PIK3AP1: variants seen among roughly 807,000 people sequenced by gnomAD.
PIK3AP1 encodes the protein phosphoinositide-3-kinase adaptor protein 1.
In PIK3AP1, 21 loss-of-function variants were observed where a neutral mutation model predicts 88.1. The ratio of observed to expected loss-of-function variants is 0.24; its 90% CI spans 0.17 to 0.34. The LOEUF (loss-of-function observed/expected upper bound fraction) is 0.34, where lower values mean the gene tolerates loss of function less well. PIK3AP1 is among the 10% of genes least tolerant of loss of function. The pLI, the probability that PIK3AP1 is intolerant of heterozygous loss-of-function variation, is 1.00. For missense variants in PIK3AP1, 828 were observed against 1,035.7 expected (o/e 0.80, Z 2.75); for synonymous variants, 398 against 400.0 (o/e 1.00, Z 0.06).
Position 96,709,893 on chromosome 10 carries a change from C to G in PIK3AP1, c.104G>C (p.Arg35Pro). Reference sequence around the variant, plus strand: ...CAGTATCTTCTGGCTGCGGACCTGCCGACTGGACAGGAACAGGGTCTGCAG... The same window carrying G: ...CAGTATCTTCTGGCTGCGGACCTGCGGACTGGACAGGAACAGGGTCTGCAG... ...QYLQTLFLSS[R>P]QVRSQKILTH... Residue 35 changes from arginine (R) to proline (P), a missense_variant, in exon 2 of 17, where the codon CGG (arginine) becomes CCG (proline). Arg to Pro is a moderately radical substitution (Grantham distance 103, BLOSUM62 -2). Coordinates refer to ENST00000339364, the MANE Select transcript of PIK3AP1 (RefSeq NM_152309.3). The G allele has an allele frequency of 1.9e-6, 3 of 1,613,612 alleles. No homozygotes were observed. Among genetic ancestry groups the G allele is most frequent in the Admixed American group, 1.7e-5 (1 of 60,030 alleles).
At chr10:96,633,867 A>C (rs1378374213) in intron 8 of PIK3AP1, among the ~76,000 whole-genome samples, 1 of 152,226 alleles carries the variant, frequency 6.6e-6, no homozygotes, top group East Asian at 1.9e-4. Context: ...ACAAACATCA[A>C]TTCTTTACAA....
chr10:96,638,418 G>C (rs909350733), intron 8 of PIK3AP1, among the ~76,000 whole-genome samples: 2 of 151,768 alleles, frequency 1.3e-5, no homozygotes, highest in Non-Finnish European at 2.9e-5. Flanking sequence ...ATGGTGTTCT[G>C]TTATGGCAAC....
At position 96,616,076 on chromosome 10, in the gene PIK3AP1, A is replaced by G. The variant is rs539566243; in HGVS notation, c.2014+563T>C. 2.0e-5 allele frequency among the ~76,000 whole-genome samples: 3 copies of G among 152,314 alleles called. No homozygotes were observed. In the East Asian group the frequency reaches 5.8e-4, roughly 29 times the overall value. On this transcript the variant is annotated intron_variant, in intron 13 of 16. Coordinates refer to ENST00000339364, the MANE Select transcript of PIK3AP1 (RefSeq NM_152309.3). ...GCCAACTTCTTGCTCAAGGGTGGTG[A>G]TGCCACATGGCTGGCACAGGGGTAG...
chr10:96,706,055 G>T (rs866411385), intron 2 of PIK3AP1, among the ~76,000 whole-genome samples: 1 of 151,452 alleles, frequency 6.6e-6, no homozygotes, highest in Non-Finnish European at 1.5e-5. Context: ...CACCTCGCCC[G>T]ACTAATTTTT....
intron 2 of PIK3AP1, among the ~76,000 whole-genome samples, chr10:96,691,208 A>G (rs1267641763): frequency 6.6e-6 from 1 of 152,154 alleles, no homozygotes; most frequent in African/African-American, 2.4e-5. Flanking sequence ...TACCTCCCCG[A>G]AACCCTCAAA....
chr10:96,716,283 T>TTAAATAAATAAA (rs556728068), intron 1 of PIK3AP1, among the ~76,000 whole-genome samples: 21 of 151,838 alleles, frequency 1.4e-4, no homozygotes, highest in African/African-American at 5.1e-4. Flanking sequence ...CCCTGTCTCA[T>TTAAATAAATAAA]TAAATAAATA....
At chr10:96,693,661 A>T (rs938007833) in intron 2 of PIK3AP1, among the ~76,000 whole-genome samples, 2 of 152,196 alleles carry the variant, frequency 1.3e-5, no homozygotes, top group Non-Finnish European at 2.9e-5. Flanking sequence ...AAGCCACCAG[A>T]TCTTACATAT....
intron 2 of PIK3AP1, among the ~76,000 whole-genome samples, chr10:96,704,186 T>G (rs1844333908): frequency 6.6e-6 from 1 of 152,162 alleles, no homozygotes; most frequent in Non-Finnish European, 1.5e-5. Context: ...TACCCTGAAG[T>G]CTGATGGCCT....
chr10:96,648,558 G>T, intron 7 of PIK3AP1, 101 bp downstream of exon 7: 2 of 1,256,298 alleles, frequency 1.6e-6, no homozygotes, highest in Non-Finnish European at 2.2e-6. Flanking sequence ...GGTACATGAG[G>T]ACATGCTAGA....
At chr10:96,718,116 G>T (rs1190154723) in intron 1 of PIK3AP1, among the ~76,000 whole-genome samples, 4 of 152,130 alleles carry the variant, frequency 2.6e-5, no homozygotes, top group Admixed American at 2.6e-4. Context: ...AATCTATAGA[G>T]GCAAAGTAGA....
chr10:96,641,361 T>G (rs1843387231), intron 8 of PIK3AP1, among the ~76,000 whole-genome samples: 1 of 152,098 alleles, frequency 6.6e-6, no homozygotes, highest in African/African-American at 2.4e-5. Flanking sequence ...CAACAACAGT[T>G]AGGTGATCTC....
chr10:96,632,884 TCA>T, intron 8 of PIK3AP1: 1 of 1,611,664 alleles, frequency 6.2e-7, no homozygotes, highest in East Asian at 2.2e-5. Flanking sequence ...ACATTCAGAC[TCA>T]CAAGATGACC....
At chr10:96,629,909 C>CAAAAAAAAAAAAAAA (rs66669261) in intron 8 of PIK3AP1, among the ~76,000 whole-genome samples, 2 of 5,414 alleles carry the variant, frequency 3.7e-4, no homozygotes, top group African/African-American at 5.0e-4. Flanking sequence ...CAACAACAAC[C>CAAAAAAAAAAAAAAA]AAAAAAAAAA....
At chr10:96,710,976 A>G (rs1312756809) in intron 1 of PIK3AP1, among the ~76,000 whole-genome samples, 1 of 152,220 alleles carries the variant, frequency 6.6e-6, no homozygotes, top group Non-Finnish European at 1.5e-5. Context: ...GGTAGTTGTG[A>G]ATTAATGCTG....
At chr10:96,656,662 CAAAA>C (rs1209645348) in intron 3 of PIK3AP1, 132 bp downstream of exon 3, 37 of 1,307,898 alleles carry the variant, frequency 2.8e-5, no homozygotes, top group Middle Eastern at 2.7e-4. Context: ...ACAGGGTACT[CAAAA>C]GAAATCCCAA....
rs147201127 is a variant in PIK3AP1 at position 96,702,317 on chromosome 10, G to A, written c.430+7250C>T. On this transcript the variant is annotated intron_variant, in intron 2 of 16. Coordinates refer to ENST00000339364, the MANE Select transcript of PIK3AP1 (RefSeq NM_152309.3). ...ACATCGAGACCATCCTGGCCAACATGGTGAAACCCCATCTCTACTAAAAAT... is the reference window on the plus strand; with the variant it reads ...ACATCGAGACCATCCTGGCCAACATAGTGAAACCCCATCTCTACTAAAAAT... Among the ~76,000 whole-genome samples, 776 of 152,168 alleles carry A rather than the reference G, an allele frequency of 5.1e-3. 6 individuals carry two copies. Among genetic ancestry groups the A allele is most frequent in the South Asian group, 0.014 (69 of 4,812 alleles).
At position 96,656,143 on chromosome 10, in the gene PIK3AP1, G is replaced by A. The variant is rs553829640; in HGVS notation, c.567+655C>T. Among the ~76,000 whole-genome samples, 33 of 152,254 alleles carry A rather than the reference G, an allele frequency of 2.2e-4. 1 individual carries two copies. In the South Asian group the frequency reaches 6.8e-3, roughly 32 times the overall value. On this transcript the variant is annotated intron_variant, in intron 3 of 16. Coordinates refer to ENST00000339364, the MANE Select transcript of PIK3AP1 (RefSeq NM_152309.3). Reference sequence around the variant, plus strand: ...CATAAAGGAAGCATTCTGCTGCTCTGAACTATCATAAATGCCACACGTTTT... The same window carrying A: ...CATAAAGGAAGCATTCTGCTGCTCTAAACTATCATAAATGCCACACGTTTT...
intron 2 of PIK3AP1, among the ~76,000 whole-genome samples, chr10:96,686,844 C>CATGG (rs1331121830): frequency 6.6e-6 from 1 of 152,152 alleles, no homozygotes; most frequent in Non-Finnish European, 1.5e-5. Context: ...AAAATTTCAA[C>CATGG]ATGGATCCCA....
intron 2 of PIK3AP1, 28 bp downstream of exon 2, chr10:96,709,539 C>T (rs764309727): frequency 6.4e-7 from 1 of 1,568,990 alleles, no homozygotes; most frequent in African/African-American, 1.4e-5. Context: ...TTTTCTAGGG[C>T]TTGCTTATCT....
Sources: gnomAD v4.1 joint callset for allele counts (sites outside exome capture counted in the v4.1 genomes callset) on GRCh38, gnomAD v4.1.1 for gene constraint, MANE v1.5 for transcripts, NCBI Gene and HGNC (gene_info 2026-07-23, HGNC 2026-07-21) for gene names.